GAK: variants seen among roughly 807,000 people sequenced by gnomAD.
GAK encodes cyclin G associated kinase.
GAK carries 79 observed loss-of-function variants against 143.9 expected under a neutral mutation model. The observed-to-expected ratio is 0.55, with a 90% CI of 0.46 to 0.66. GAK has a LOEUF of 0.66. Ranked by LOEUF, GAK falls within the 30% of genes least tolerant of loss-of-function variation. The probability of loss-of-function intolerance (pLI) is 0.00; values close to 1 mark genes in which losing one functional copy is unlikely to be tolerated. For missense variants in GAK, 1,693 were observed against 1,779.7 expected (o/e 0.95, Z 0.88); for synonymous variants, 881 against 765.5 (o/e 1.15, Z -2.49).
Position 851,093 on chromosome 4 carries a change from G to C in GAK, c.3509-9C>G, listed in dbSNP as rs778916468. On this transcript the variant is annotated splice_polypyrimidine_tract_variant and intron_variant, in intron 25 of 27. Transcript: ENST00000314167. ...GACTTTTGGCTTTTGAGCTAGAAAA[G>C]AACAGAAACTTTTTTTTGTTTGAGA... is the stretch of plus-strand genomic sequence containing the variant. The C allele has an allele frequency of 2.2e-5, 36 of 1,611,804 alleles. No homozygotes were observed. The highest frequency in any genetic ancestry group is 8.5e-6 in the Non-Finnish European group (10 of 1,179,002).
At chr4:857,615 T>G (rs1183114991) in intron 24 of GAK, among the ~76,000 whole-genome samples, 1 of 152,174 alleles carries the variant, frequency 6.6e-6, no homozygotes, top group Non-Finnish European at 1.5e-5. Flanking sequence ...CCCGTGACCC[T>G]CGTAGAGCCT....
chr4:890,628 A>G lies in GAK; in HGVS notation c.991-6T>C, dbSNP rs1367473263. ...CCTCCATTCTGCTCCAGGAGCTGTG[A>G]CAATGAAAATGCAGAGGTCAGTTCT... On this transcript the variant is annotated splice_polypyrimidine_tract_variant and splice_region_variant and intron_variant, in intron 9 of 27. Coordinates refer to ENST00000314167, the MANE Select transcript of GAK (RefSeq NM_005255.4). 6.2e-7 allele frequency: 1 copy of G among 1,607,396 alleles called. No individual in the cohort carries two copies. The highest frequency in any genetic ancestry group is 1.3e-5 in the African/African-American group (1 of 74,888).
chr4:923,230 A>G (rs768362103), intron 1 of GAK, among the ~76,000 whole-genome samples: 1 of 152,194 alleles, frequency 6.6e-6, no homozygotes. Context: ...ATCTTTTCTC[A>G]CAGCCGCGTG....
At chr4:892,220 G>A (rs1208174507) in intron 9 of GAK, among the ~76,000 whole-genome samples, 1 of 152,172 alleles carries the variant, frequency 6.6e-6, no homozygotes, top group African/African-American at 2.4e-5. Context: ...AGTGGCCCCT[G>A]GAAGTTCCGG....
Position 877,108 on chromosome 4 carries a change from G to T in GAK, c.1956C>A (p.Gly652=). The change falls in exon 17 of 28, where the codon GGC becomes GGA. Residue 652 remains glycine, a synonymous_variant. Transcript: ENST00000314167. ...CTCTCACCTTGGCCTGCAGCCGGCCGCCCAGAGTGGACCGGGCGTGATAGA... is the reference window on the plus strand; with the variant it reads ...CTCTCACCTTGGCCTGCAGCCGGCCTCCCAGAGTGGACCGGGCGTGATAGA... The part of the protein sequence containing the change: ...IVIYHARSTL[G]GRLQAKMASM... The T allele has an allele frequency of 1.9e-6, 3 of 1,612,646 alleles. No individual in the cohort carries two copies. The highest frequency in any genetic ancestry group is 2.5e-6 in the Non-Finnish European group (3 of 1,178,962).
intron 24 of GAK, among the ~76,000 whole-genome samples, chr4:854,841 C>T (rs1179451570): frequency 1.3e-5 from 2 of 152,138 alleles, no homozygotes; most frequent in African/African-American, 2.4e-5. Context: ...GTCAGGAGAT[C>T]AAGACCATCC....
At chr4:903,927 T>C (rs979978947) in intron 5 of GAK, among the ~76,000 whole-genome samples, 3 of 152,230 alleles carry the variant, frequency 2.0e-5, no homozygotes, top group Admixed American at 2.0e-4. Context: ...GGGATCTCTG[T>C]CGGCAAAGGC....
At position 884,045 on chromosome 4, in the gene GAK, C is replaced by T; in HGVS notation, c.1247G>A (p.Arg416Lys). 1 of 1,613,852 alleles carries T rather than the reference C, an allele frequency of 6.2e-7. No homozygotes were observed. The highest frequency in any genetic ancestry group is 1.1e-5 in the South Asian group (1 of 91,082). Reference protein sequence around the residue: ...GDLDISYITSRIAVMSFPAEG... With the variant: ...GDLDISYITSKIAVMSFPAEG... ...TCATGTGGCACGCATACCTGCAATT[C>T]TGGATGTGATGTAAGATATGTCCAG... is the stretch of plus-strand genomic sequence containing the variant. The change falls in exon 12 of 28, where the codon AGA becomes AAA. Residue 416 changes from arginine to lysine, a missense_variant. By Grantham distance (26) the Arg-to-Lys change is conservative. This residue lies in a region of GAK where 871 missense variants were observed against 991.0 expected (regional missense o/e 0.88). Transcript: ENST00000314167.
intron 1 of GAK, among the ~76,000 whole-genome samples, chr4:921,060 A>G (rs985827877): frequency 6.6e-6 from 1 of 152,184 alleles, no homozygotes; most frequent in Admixed American, 6.5e-5. Flanking sequence ...TGGAAAGAAA[A>G]TCGCAGAAAC....
rs1295166271 is a variant in GAK, at chr4:850,057, C to G, written c.3669G>C (p.Trp1223Cys). ...GGATGTTCCGCTCCTTGCCCTCAAT[C>G]CAGTCCAGGAGCTGCGGGAGACACG... The part of the protein sequence containing the change: ...TDPLKLKLLD[W>C]IEGKERNIRA... The change falls in exon 27 of 28, where the codon TGG (tryptophan) becomes TGC (cysteine). Residue 1223 changes from tryptophan to cysteine, a missense_variant. Around this residue, in one of 2 missense-constraint regions of GAK, gnomAD observed 822 missense variants for 788.7 expected, o/e 1.04. Coordinates refer to ENST00000314167, the MANE Select transcript of GAK (RefSeq NM_005255.4). 1 of 1,584,370 alleles carries G rather than the reference C, an allele frequency of 6.3e-7. No homozygotes were observed. Among genetic ancestry groups the G allele is most frequent in the Non-Finnish European group, 8.6e-7 (1 of 1,160,174 alleles).
chr4:851,658 C>A (rs1417843020), intron 25 of GAK, 92 bp downstream of exon 25: 13 of 1,347,232 alleles, frequency 9.6e-6, no homozygotes, highest in Non-Finnish European at 1.3e-5. Context: ...CAGGACTGGG[C>A]TCTGAGATGA....
At chr4:850,096 C>A in intron 26 of GAK, 28 bp from the exon 27 acceptor site, 1 of 1,535,482 alleles carries the variant, frequency 6.5e-7, no homozygotes, top group South Asian at 1.2e-5. Flanking sequence ...CTTGCCGAGC[C>A]CTGGGCACCT....
chr4:849,897 C>T lies in GAK; in HGVS notation c.3829G>A (p.Asp1277Asn), dbSNP rs779616612. Residue 1277 changes from aspartate to asparagine, a missense_variant, in exon 27 of 28, where the codon GAC (aspartate) becomes AAC (asparagine). By Grantham distance (23) the Asp-to-Asn change is conservative. Around this residue, in one of 2 missense-constraint regions of GAK, gnomAD observed 822 missense variants for 788.7 expected, o/e 1.04. Coordinates refer to ENST00000314167, the MANE Select transcript of GAK (RefSeq NM_005255.4). ...CGCCTGGCAGCTCTGCTCACCTTGTCGGGGTGCACAGCCAGCACCGCGCGG... is the reference window on the plus strand; with the variant it reads ...CGCCTGGCAGCTCTGCTCACCTTGTTGGGGTGCACAGCCAGCACCGCGCGG... ...YRRAVLAVHP[D>N]KAAGQPYEQH... 4.5e-6 allele frequency: 7 copies of T among 1,570,574 alleles called. No homozygotes were observed. The highest frequency in any genetic ancestry group is 3.5e-6 in the Non-Finnish European group (4 of 1,156,654).
chr4:893,314 G>A, intron 9 of GAK, 63 bp downstream of exon 9: 1 of 1,214,754 alleles, frequency 8.2e-7, no homozygotes, highest in East Asian at 2.7e-5. Flanking sequence ...CGGGGGATCT[G>A]GGGCTCATGT....
chr4:898,781 T>C (rs796149966), intron 5 of GAK, among the ~76,000 whole-genome samples: 26 of 151,972 alleles, frequency 1.7e-4, no homozygotes, highest in African/African-American at 5.8e-4. Context: ...GAGAATCGCT[T>C]GAACTTGGGA....
intron 5 of GAK, among the ~76,000 whole-genome samples, chr4:902,612 A>AAAAAAAAAAAAAAC (rs1560401696): frequency 1.4e-5 from 2 of 143,832 alleles, no homozygotes; most frequent in African/African-American, 2.6e-5. Flanking sequence ...AAAAAAAAAA[A>AAAAAAAAAAAAAAC]AACCCCAAAA....
intron 24 of GAK, chr4:859,111 A>C (rs1160159621): frequency 3.1e-6 from 3 of 953,660 alleles, no homozygotes; most frequent in Non-Finnish European, 3.7e-6. Context: ...GCCCAAGGAG[A>C]CTTGAAGCCA....
chr4:856,303 TCAC>T (rs1224381505), intron 24 of GAK, among the ~76,000 whole-genome samples: 26 of 126,328 alleles, frequency 2.1e-4, no homozygotes, highest in South Asian at 4.8e-4. Context: ...TCACCCCTGC[TCAC>T]CACAGCTGCT....
chr4:882,681 C>A lies in GAK; in HGVS notation c.1527+16G>T. 6.2e-7 allele frequency: 1 copy of A among 1,609,256 alleles called. No homozygotes were observed. The highest frequency in any genetic ancestry group is 8.5e-7 in the Non-Finnish European group (1 of 1,179,496). On this transcript the variant is annotated intron_variant, in intron 14 of 27. Coordinates refer to ENST00000314167, the MANE Select transcript of GAK (RefSeq NM_005255.4). ...TTTGACAGAAGACGGCGCCAGCCCA[C>A]GGCCCTCGAGCTCACCATGCAGTGC...
Sources: gnomAD v4.1 joint callset for allele counts (sites outside exome capture counted in the v4.1 genomes callset) on GRCh38, gnomAD v4.1.1 for gene constraint, gnomAD v4.1.1 regional missense constraint, MANE v1.5 for transcripts, NCBI Gene and HGNC (gene_info 2026-07-23, HGNC 2026-07-21) for gene names.